The following COL8A2 variants were observed in gnomAD, a reference collection of about 807,000 sequenced individuals.
The protein encoded by COL8A2 is collagen type VIII alpha 2 chain, also known as collagen alpha-2(VIII) chain.
COL8A2 carries 16 observed loss-of-function variants against 24.0 expected under a neutral mutation model. The ratio of observed to expected loss-of-function variants is 0.67; its 90% confidence interval spans 0.45 to 1.01. COL8A2 has a LOEUF of 1.01. Among genes scored for constraint, COL8A2 ranks in the 50% least tolerant of loss-of-function variants. The probability of loss-of-function intolerance (pLI) is 0.00; values close to 1 mark genes in which losing one functional copy is unlikely to be tolerated. For missense variants in COL8A2, 818 were observed against 942.4 expected, an observed-to-expected ratio of 0.87 and a Z score of 1.73; for synonymous variants, 466 against 424.5, an observed-to-expected ratio of 1.10 and a Z score of -1.20.
intron 2 of COL8A2, among the ~76,000 whole-genome samples, chr1:36,114,996 G>GT (rs1205094664): frequency 6.6e-6 from 1 of 152,186 alleles, no homozygotes; most frequent in Non-Finnish European, 1.5e-5. Flanking sequence ...GCCCAGGAAG[G>GT]TAAGAACAGC....
At chr1:36,102,663 G>GT (rs1557740915) in intron 2 of COL8A2, among the ~76,000 whole-genome samples, 1 of 69,116 alleles carries the variant, frequency 1.4e-5, no homozygotes, top group African/African-American at 4.7e-5. Flanking sequence ...CTATAAAGCT[G>GT]GTTTTTTGTT....
rs755299937 is a variant in COL8A2, at chr1:36,097,881, A to G, written c.1800T>C (p.Asn600=). The G allele has an allele frequency of 1.9e-6, 3 of 1,612,632 alleles. No homozygotes were observed. The highest frequency in any genetic ancestry group is 4.5e-5 in the East Asian group (2 of 44,880). ...MPVKFDRTLY[N]GHSGYNPATG... is the part of the protein sequence containing the mutation. ...TGGCTGGGTTGTAGCCGCTGTGGCC[A>G]TTGTAGAGAGTCCGGTCAAATTTCA... The change falls in exon 4 of 4, where the codon AAT becomes AAC. Residue 600 remains asparagine (N), a synonymous_variant. Coordinates refer to ENST00000397799, the MANE Select transcript of COL8A2 (RefSeq NM_005202.4).
intron 2 of COL8A2, among the ~76,000 whole-genome samples, chr1:36,107,902 C>T (rs957932647): frequency 2.0e-5 from 3 of 152,142 alleles, no homozygotes; most frequent in Non-Finnish European, 2.9e-5. Flanking sequence ...ACTGGCTGGA[C>T]GCCTCCCTTG....
intron 2 of COL8A2, among the ~76,000 whole-genome samples, chr1:36,106,253 G>C (rs1643758929): frequency 6.7e-6 from 1 of 150,142 alleles, no homozygotes. Context: ...GACAGAGAGA[G>C]ACTCCGTCAA....
chr1:36,121,388 CAAAAAAAAA>C (rs57902365), intron 1 of COL8A2, among the ~76,000 whole-genome samples: 14 of 47,656 alleles, frequency 2.9e-4, no homozygotes, highest in Middle Eastern at 0.067. Flanking sequence ...GACTCTGTCT[CAAAAAAAAA>C]AAAAAAAAAA....
rs182621640 is a variant in COL8A2, at chr1:36,120,225, G to C, written c.-61-4473C>G. Among the ~76,000 whole-genome samples, 254 of 152,280 alleles carry C rather than the reference G, an allele frequency of 1.7e-3. 4 individuals carry two copies. Among genetic ancestry groups the C allele is most frequent in the African/African-American group, 5.8e-3 (242 of 41,552 alleles). On this transcript the variant is annotated intron_variant, in intron 1 of 3. Coordinates refer to ENST00000397799, the MANE Select transcript of COL8A2 (RefSeq NM_005202.4). Reference sequence around the variant, plus strand: ...TCCATTCCTTTTGGGAGGCTCAGGCGGGCGGATCACTTGAGGTCAGGAGTT... The same window carrying C: ...TCCATTCCTTTTGGGAGGCTCAGGCCGGCGGATCACTTGAGGTCAGGAGTT...
Position 36,099,169 on chromosome 1 carries a change from A to T in COL8A2, c.512T>A (p.Ile171Asn), listed in dbSNP as rs1270103851. ...CCCTTGGGCACCTGGTTTTCCAGGG[A>T]TAGTAATGCCTGAGGGGCCCGGGAG... ...PGLPGPSGITIPGKPGAQGVP... is the reference protein window; with the variant it reads ...PGLPGPSGITNPGKPGAQGVP... Residue 171 changes from isoleucine (I) to asparagine (N), a missense_variant, in exon 4 of 4, where the codon ATC becomes AAC. Ile to Asn is a moderately radical substitution (Grantham distance 149). Coordinates refer to ENST00000397799, the MANE Select transcript of COL8A2 (RefSeq NM_005202.4). The T allele has an allele frequency of 6.7e-7, 1 of 1,498,476 alleles. No homozygotes were observed. The highest frequency in any genetic ancestry group is 1.3e-5 in the South Asian group (1 of 76,130). The allele number at this position is 1,498,476 out of a possible 1,614,324, so 92.8% of individuals were successfully genotyped here.
Position 36,097,788 on chromosome 1 carries a change from G to T in COL8A2, c.1893C>A (p.Thr631=). 3.1e-6 allele frequency: 5 copies of T among 1,613,832 alleles called. No individual in the cohort carries two copies. Among genetic ancestry groups the T allele is most frequent in the South Asian group, 1.1e-5 (1 of 91,090 alleles). ...YFAYHVHVKG[T]NVWVALYKNN... is the part of the protein sequence containing the mutation. Reference sequence around the variant, plus strand: ...TCTTGTACAGGGCCACCCACACGTTGGTGCCCTTGACGTGCACATGGTAAG... The same window carrying T: ...TCTTGTACAGGGCCACCCACACGTTTGTGCCCTTGACGTGCACATGGTAAG... The change falls in exon 4 of 4, where the codon ACC becomes ACA. Residue 631 remains threonine (T), a synonymous_variant. Transcript: ENST00000397799.
chr1:36,097,462 G>A lies in COL8A2; in HGVS notation c.*107C>T, dbSNP rs878998561. ...GTCTCCTCGGGCCAAGGCCACGGCC[G>A]CCTCTGTTCAGCTTTTGTTTTTTTT... On this transcript the variant is annotated 3_prime_UTR_variant, in exon 4 of 4. Transcript: ENST00000397799. The A allele has an allele frequency of 1.3e-4, 121 of 939,748 alleles. No individual in the cohort carries two copies. The highest frequency in any genetic ancestry group is 8.8e-4 in the South Asian group (55 of 62,400). The allele number at this position is 939,748 out of a possible 1,614,324, so 58.2% of individuals were successfully genotyped here. A position where few individuals can be genotyped will look rare whatever the true frequency, so the allele number is the denominator to read the frequency against.
Position 36,098,216 on chromosome 1 carries a change from G to T in COL8A2, c.1465C>A (p.Pro489Thr). 1 of 1,540,884 alleles carries T rather than the reference G, an allele frequency of 6.5e-7. No homozygotes were observed. The change falls in exon 4 of 4, where the codon CCA becomes ACA. Residue 489 changes from proline (P) to threonine (T), a missense_variant. Coordinates refer to ENST00000397799, the MANE Select transcript of COL8A2 (RefSeq NM_005202.4). Reference protein sequence around the residue: ...LPGLKGEPGLPGPPGEGRAGE... With the variant: ...LPGLKGEPGLTGPPGEGRAGE... Reference sequence around the variant, plus strand: ...GCTCTCCCCTCTCCAGGGGGCCCTGGCAGGCCTGGTTCCCCCTTCAGGCCC... The same window carrying T: ...GCTCTCCCCTCTCCAGGGGGCCCTGTCAGGCCTGGTTCCCCCTTCAGGCCC...
At chr1:36,107,369 A>G (rs991076895) in intron 2 of COL8A2, among the ~76,000 whole-genome samples, 1 of 151,370 alleles carries the variant, frequency 6.6e-6, no homozygotes, top group Non-Finnish European at 1.5e-5. Flanking sequence ...GCACCACTGC[A>G]CTCCAGCCTG....
chr1:36,122,524 T>C (rs890804844), intron 1 of COL8A2, among the ~76,000 whole-genome samples: 1 of 152,062 alleles, frequency 6.6e-6, no homozygotes, highest in African/African-American at 2.4e-5. Flanking sequence ...TCTCAACTTA[T>C]CAGACCCCAG....
intron 2 of COL8A2, among the ~76,000 whole-genome samples, chr1:36,112,859 C>G (rs558154754): frequency 3.3e-5 from 5 of 152,286 alleles, no homozygotes; most frequent in African/African-American, 1.2e-4. Context: ...GCCTCTCTAG[C>G]GAGCTCCCAG....
chr1:36,112,162 C>A (rs1643852100), intron 2 of COL8A2, among the ~76,000 whole-genome samples: 1 of 152,160 alleles, frequency 6.6e-6, no homozygotes, highest in African/African-American at 2.4e-5. Context: ...TGCCACCACG[C>A]CCGGCTATTT....
At position 36,100,078 on chromosome 1, in the gene COL8A2, G is replaced by C; in HGVS notation, c.165C>G (p.Pro55=). ...QPMQKGPVGP[P]FREGKGQYLE... ...GGTACTGGCCTTTGCCCTCACGGAAGGGCGGTCCCACAGGTCCTTTCTGCA... is the reference window on the plus strand; with the variant it reads ...GGTACTGGCCTTTGCCCTCACGGAACGGCGGTCCCACAGGTCCTTTCTGCA... Residue 55 remains proline, a synonymous_variant, in exon 3 of 4, where the codon CCC becomes CCG. Transcript: ENST00000397799. The C allele has an allele frequency of 9.9e-6, 16 of 1,611,916 alleles. No individual in the cohort carries two copies. The highest frequency in any genetic ancestry group is 1.4e-5 in the Non-Finnish European group (16 of 1,178,364).
chr1:36,120,151 T>C (rs1450377572), intron 1 of COL8A2, among the ~76,000 whole-genome samples: 3 of 152,174 alleles, frequency 2.0e-5, no homozygotes, highest in African/African-American at 7.2e-5. Flanking sequence ...AAAAAACCCC[T>C]TGTGCTATGA....
chr1:36,104,216 G>C (rs1170254179), intron 2 of COL8A2, among the ~76,000 whole-genome samples: 1 of 151,626 alleles, frequency 6.6e-6, no homozygotes, highest in Non-Finnish European at 1.5e-5. Flanking sequence ...AATGGGCCAG[G>C]CGCAGTGGCT....
intron 1 of COL8A2, among the ~76,000 whole-genome samples, chr1:36,118,152 G>T (rs1643888486): frequency 6.6e-6 from 1 of 152,226 alleles, no homozygotes. Context: ...AACCCTGGAA[G>T]GTTGGAACTG....
chr1:36,113,437 A>G (rs946141893), intron 2 of COL8A2, among the ~76,000 whole-genome samples: 4 of 152,114 alleles, frequency 2.6e-5, no homozygotes, highest in Admixed American at 2.0e-4. Context: ...GACCCTTGGG[A>G]AGGCCAGCAC....
Sources: gnomAD v4.1 joint callset for allele counts (sites outside exome capture counted in the v4.1 genomes callset) on GRCh38, gnomAD v4.1.1 for gene constraint, MANE v1.5 for transcripts, NCBI Gene and HGNC (gene_info 2026-07-23, HGNC 2026-07-21) for gene names.